PDE1C: variants seen among roughly 807,000 people sequenced by gnomAD.
PDE1C encodes dual specificity calcium/calmodulin-dependent 3',5'-cyclic nucleotide phosphodiesterase 1C.
Under a neutral mutation model 93.1 loss-of-function variants are expected in PDE1C, and 62 were observed. The observed-to-expected ratio is 0.67, with a 90% confidence interval of 0.54 to 0.82. The LOEUF (loss-of-function observed/expected upper bound fraction) is 0.82. Ranked by LOEUF, PDE1C falls within the 40% of genes least tolerant of loss-of-function variation. The pLI, the probability that PDE1C is intolerant of heterozygous loss-of-function variation, is 0.00. For synonymous variants in PDE1C, 325 were observed against 310.1 expected (o/e 1.05, Z -0.50); for missense variants, 742 against 884.6 (o/e 0.84, Z 2.04).
intron 1 of PDE1C, among the ~76,000 whole-genome samples, chr7:32,374,507 A>G (rs1784402908): frequency 6.6e-6 from 1 of 152,236 alleles, no homozygotes; most frequent in Admixed American, 6.5e-5. Context: ...GCCAAGCAGC[A>G]TGGGGAGGTA....
chr7:32,003,626 A>G (rs1201841598), intron 2 of PDE1C, among the ~76,000 whole-genome samples: 1 of 152,208 alleles, frequency 6.6e-6, no homozygotes, highest in Admixed American at 6.5e-5. Context: ...TTATAACAAC[A>G]TAGCTATGAC....
chr7:31,905,351 A>G (rs1329111962), intron 2 of PDE1C, among the ~76,000 whole-genome samples: 3 of 152,122 alleles, frequency 2.0e-5, no homozygotes, highest in Non-Finnish European at 4.4e-5. Context: ...TTCCTGAAAA[A>G]CAAAATACTG....
rs188450442 is a variant in PDE1C at position 32,316,002 on chromosome 7, A to T, written c.311-106463T>A. ...AAGAGCGAAAACTCCATCTCAAAAA[A>T]TATATATATGTTTTATAATTTAAGA... On this transcript the variant is annotated intron_variant, in intron 1 of 1. Coordinates refer to the PDE1C transcript ENST00000672256. Among the ~76,000 whole-genome samples, 144 of 152,320 alleles carry T rather than the reference A, an allele frequency of 9.5e-4. 1 individual carries two copies. The South Asian group carries it at 0.014, about 15-fold the overall frequency.
the PDE1C span, among the ~76,000 whole-genome samples, chr7:31,700,657 T>C: frequency 1.3e-5 from 2 of 152,194 alleles, no homozygotes; most frequent in Non-Finnish European, 2.9e-5. Context: ...GGAAAGGAGA[T>C]GTCAATGCCT....
intron 2 of PDE1C, among the ~76,000 whole-genome samples, chr7:31,909,783 C>T (rs1359104004): frequency 1.3e-5 from 2 of 152,136 alleles, no homozygotes; most frequent in East Asian, 3.9e-4. Context: ...AAGTACCTTT[C>T]CCAAGGTCAC....
At chr7:32,209,598 G>T in intron 1 of PDE1C, 2 of 1,388,356 alleles carry the variant, frequency 1.4e-6, no homozygotes, top group South Asian at 1.3e-5. Context: ...CACCAAATAT[G>T]CCCCAATACA....
intron 1 of PDE1C, among the ~76,000 whole-genome samples, chr7:32,399,906 C>T (rs1005685664): frequency 4.1e-4 from 62 of 152,170 alleles, no homozygotes; most frequent in African/African-American, 1.5e-3. Flanking sequence ...ACCTTAATTA[C>T]CTCCTAAAGA....
At chr7:32,134,227 A>T (rs1800080456) in intron 3 of PDE1C, among the ~76,000 whole-genome samples, 1 of 152,158 alleles carries the variant, frequency 6.6e-6, no homozygotes, top group Non-Finnish European at 1.5e-5. Context: ...GGCCAGAGGA[A>T]AATAATAAAA....
the PDE1C span, among the ~76,000 whole-genome samples, chr7:31,664,193 A>C: frequency 6.6e-6 from 1 of 152,210 alleles, no homozygotes; most frequent in South Asian, 2.1e-4. Context: ...AGCCACAGAC[A>C]TTCCAATTAC....
At chr7:31,908,746 A>ATATATGTCCACTTGGCTAGGT (rs1021633908) in intron 2 of PDE1C, among the ~76,000 whole-genome samples, 6 of 152,180 alleles carry the variant, frequency 3.9e-5, no homozygotes, top group Non-Finnish European at 5.9e-5. Flanking sequence ...CATTGCAGTG[A>ATATATGTCCACTTGGCTAGGT]TATATGTCCA....
At chr7:32,134,448 A>C (rs998375893) in intron 3 of PDE1C, among the ~76,000 whole-genome samples, 1 of 152,174 alleles carries the variant, frequency 6.6e-6, no homozygotes, top group Non-Finnish European at 1.5e-5. Flanking sequence ...AAGATCCTCT[A>C]AAATGGAGAT....
chr7:32,082,935 A>C (rs911884801), intron 3 of PDE1C, among the ~76,000 whole-genome samples: 1 of 150,582 alleles, frequency 6.6e-6, no homozygotes, highest in African/African-American at 2.5e-5. Context: ...AAACTCTAAA[A>C]AGCAGAGCAC....
chr7:32,034,056 G>GTA (rs202219016), intron 2 of PDE1C, among the ~76,000 whole-genome samples: 1,408 of 47,090 alleles, frequency 0.03, 12 homozygotes, highest in Non-Finnish European at 0.056. Context: ...ATGAGAGACT[G>GTA]TGTGTGTGTG....
chr7:32,329,918 C>A (rs764234000), intron 1 of PDE1C, among the ~76,000 whole-genome samples: 34 of 152,224 alleles, frequency 2.2e-4, no homozygotes, highest in Non-Finnish European at 4.7e-4. Flanking sequence ...GTTTCCAGCA[C>A]TTTGCTCAAA....
At position 32,293,354 on chromosome 7, in the gene PDE1C, A is replaced by G. The variant is rs139758756; in HGVS notation, c.85+5297T>C. Among the ~76,000 whole-genome samples, 138 of 152,206 alleles carry G rather than the reference A, an allele frequency of 9.1e-4. 1 individual carries two copies. The highest frequency in any genetic ancestry group is 3.2e-3 in the African/African-American group (134 of 41,544). On this transcript the variant is annotated intron_variant, in intron 1 of 18. Transcript: ENST00000396193. ...CTGGCCCCCTAAAAGCGGGCACTCT[A>G]ATTGTTTGCTGACAATGGCAACTCC...
intron 1 of PDE1C, among the ~76,000 whole-genome samples, chr7:32,415,538 T>C (rs1785256986): frequency 6.6e-6 from 1 of 152,114 alleles, no homozygotes; most frequent in East Asian, 1.9e-4. Flanking sequence ...GGACCTGCCT[T>C]ATATTGGGGA....
intron 1 of PDE1C, among the ~76,000 whole-genome samples, chr7:32,285,246 A>C (rs1315412310): frequency 1.3e-5 from 2 of 152,128 alleles, no homozygotes; most frequent in Non-Finnish European, 2.9e-5. Flanking sequence ...ACTTTCATAC[A>C]TCACTGGTGG....
intron 1 of PDE1C, among the ~76,000 whole-genome samples, chr7:32,291,367 T>C (rs1260005474): frequency 6.6e-6 from 1 of 152,236 alleles, no homozygotes; most frequent in Non-Finnish European, 1.5e-5. Context: ...TTCTAACAAA[T>C]ATAGCAGCAT....
chr7:32,332,591 T>A (rs1562677828), intron 1 of PDE1C, among the ~76,000 whole-genome samples: 1 of 152,106 alleles, frequency 6.6e-6, no homozygotes, highest in Non-Finnish European at 1.5e-5. Context: ...ACCACAATGT[T>A]TTTAGGGGCA....
Sources: allele counts gnomAD v4.1 joint callset (sites outside exome capture counted in the v4.1 genomes callset), GRCh38; gene constraint gnomAD v4.1.1; transcripts MANE v1.5; gene names NCBI Gene and HGNC (gene_info 2026-07-23, HGNC 2026-07-21).